F10: variants seen among roughly 807,000 people sequenced by gnomAD.
F10 encodes Stuart-Prower factor.
In F10, 29 loss-of-function variants were observed where a neutral mutation model predicts 37.1. The observed-to-expected ratio is 0.78, with a 90% CI of 0.58 to 1.07. The LOEUF (loss-of-function observed/expected upper bound fraction) is 1.07, where lower values mean the gene tolerates loss of function less well. F10 is among the 50% of genes least tolerant of loss of function. The probability of loss-of-function intolerance (pLI) is 0.00; values close to 1 mark genes in which losing one functional copy is unlikely to be tolerated. For missense variants in F10, 539 were observed against 667.9 expected (o/e 0.81, Z 2.13); for synonymous variants, 262 against 268.6 (o/e 0.98, Z 0.24).
chr13:113,147,548 G>C, intron 7 of F10, 52 bp downstream of exon 7: 1 of 1,100,888 alleles, frequency 9.1e-7, no homozygotes, highest in Non-Finnish European at 1.4e-6. Context: ...GTCACTGTCT[G>C]CTTTTCAGAA....
chr13:113,135,441 C>T (rs1340082787), intron 2 of F10, among the ~76,000 whole-genome samples: 1 of 152,152 alleles, frequency 6.6e-6, no homozygotes, highest in Non-Finnish European at 1.5e-5. Context: ...TGATGAGGGC[C>T]TGGTCTCTGC....
chr13:113,133,906 C>T (rs2036455715), intron 2 of F10, among the ~76,000 whole-genome samples: 1 of 152,098 alleles, frequency 6.6e-6, no homozygotes, highest in African/African-American at 2.4e-5. Context: ...ACCATATAAA[C>T]AAAAGAGAAC....
intron 2 of F10, 143 bp downstream of exon 2, chr13:113,129,755 A>C: frequency 9.2e-7 from 1 of 1,089,356 alleles, no homozygotes; most frequent in Non-Finnish European, 1.4e-6. Flanking sequence ...GGCCCAGCAA[A>C]TCGAGGCCTC....
chr13:113,149,292 C>A lies in F10; in HGVS notation c.1242C>A (p.Ala414=). Residue 414 remains alanine (A), a synonymous_variant, in exon 8 of 8, where the codon GCC becomes GCA. Transcript: ENST00000375559. This position sits in a 1 kb window ranked among gnomAD's most constrained non-coding sequence, Gnocchi z 7.5. ...GCTACGACACCAAGCAGGAGGATGCCTGCCAGGGGGACAGCGGGGGCCCGC... is the reference window on the plus strand; with the variant it reads ...GCTACGACACCAAGCAGGAGGATGCATGCCAGGGGGACAGCGGGGGCCCGC... The part of the protein sequence containing the change: ...CAGYDTKQED[A]CQGDSGGPHV... 1 of 1,613,224 alleles carries A rather than the reference C, an allele frequency of 6.2e-7. No individual in the cohort carries two copies. The highest frequency in any genetic ancestry group is 8.5e-7 in the Non-Finnish European group (1 of 1,180,044).
intron 7 of F10, among the ~76,000 whole-genome samples, chr13:113,148,352 ATATATATATATGTATATATATATGTG>A (rs1566922278): frequency 1.8e-5 from 2 of 110,656 alleles, no homozygotes; most frequent in African/African-American, 6.8e-5. Context: ...AAAAATATAT[ATATATATATATGTATATATATATGTG>A]TATATATATA....
chr13:113,138,477 C>T lies in F10; in HGVS notation c.252C>T (p.Tyr84=). The change falls in exon 3 of 8, where the codon TAC becomes TAT. Residue 84 remains tyrosine (Y), a synonymous_variant. Coordinates refer to ENST00000375559, the MANE Select transcript of F10 (RefSeq NM_000504.4). ...SDKTNEFWNK[Y]KDGDQCETSP... ...TTTAGAATGAATTCTGGAATAAATACAAAGGTCAGTATTTTTTCTGTTTTA... is the reference window on the plus strand; with the variant it reads ...TTTAGAATGAATTCTGGAATAAATATAAAGGTCAGTATTTTTTCTGTTTTA... 7.1e-7 allele frequency: 1 copy of T among 1,398,748 alleles called. No individual in the cohort carries two copies. Among genetic ancestry groups the T allele is most frequent in the South Asian group, 1.2e-5 (1 of 84,306 alleles). 86.6% of individuals were successfully genotyped at this position (1,398,748 alleles called of 1,614,324 possible).
intron 1 of F10, 145 bp downstream of exon 1, chr13:113,123,070 C>G: frequency 1.0e-6 from 1 of 975,806 alleles, no homozygotes. Flanking sequence ...CTGGGCTTGG[C>G]CTTTCCAGCC....
rs953743347 is a variant in F10, at chr13:113,139,599, A to G, written c.370+129A>G. The G allele has an allele frequency of 5.4e-6, 4 of 737,118 alleles. No homozygotes were observed. The highest frequency in any genetic ancestry group is 2.1e-5 in the Admixed American group (1 of 47,880). The allele number at this position is 737,118 out of a possible 1,614,324, so 45.7% of individuals were successfully genotyped here. ...TTCTGATTTACAAAGTCTGGGCTCT[A>G]TTATACCTATTATACTGTGCCACTA... On this transcript the variant is annotated intron_variant, in intron 4 of 7. Coordinates refer to ENST00000375559, the MANE Select transcript of F10 (RefSeq NM_000504.4). The surrounding 1 kb of genome is among the most constrained non-coding windows in gnomAD (Gnocchi z 5.2).
chr13:113,144,067 A>T lies in F10; in HGVS notation c.719A>T (p.Glu240Val), dbSNP rs2036558588. Residue 240 changes from glutamate to valine, a missense_variant, in exon 6 of 8, where the codon GAA (glutamate) becomes GTA (valine). By Grantham distance (121) the Glu-to-Val change is moderately radical. Coordinates refer to ENST00000375559, the MANE Select transcript of F10 (RefSeq NM_000504.4). This position sits in a 1 kb window ranked among gnomAD's most constrained non-coding sequence, Gnocchi z 6.4. ...NNLTRIVGGQ[E>V]CKDGECPWQA... Reference sequence around the variant, plus strand: ...CTCACCAGGATCGTGGGAGGCCAGGAATGCAAGGACGGGGAGTGTCCCTGG... The same window carrying T: ...CTCACCAGGATCGTGGGAGGCCAGGTATGCAAGGACGGGGAGTGTCCCTGG... 6.2e-7 allele frequency: 1 copy of T among 1,613,736 alleles called. No individual in the cohort carries two copies. Among genetic ancestry groups the T allele is most frequent in the Non-Finnish European group, 8.5e-7 (1 of 1,180,004 alleles).
intron 2 of F10, chr13:113,129,866 A>G (rs2036412993): frequency 5.5e-6 from 3 of 546,390 alleles, no homozygotes. Flanking sequence ...CTTGAGGGTC[A>G]CAGGGCTTCT....
intron 6 of F10, among the ~76,000 whole-genome samples, chr13:113,145,576 A>C (rs547910081): frequency 6.6e-6 from 1 of 152,194 alleles, no homozygotes; most frequent in Admixed American, 6.5e-5. Context: ...TAGGTGTATT[A>C]GTCAGTTTTC....
chr13:113,130,331 T>A (rs1317553647), intron 2 of F10: 1 of 153,666 alleles, frequency 6.5e-6, no homozygotes, highest in Non-Finnish European at 1.4e-5. Context: ...GACGCTACCC[T>A]CCTCTCCCCC....
At chr13:113,138,350 T>G in intron 2 of F10, 107 bp from the exon 3 acceptor site, 1 of 611,190 alleles carries the variant, frequency 1.6e-6, no homozygotes, top group Non-Finnish European at 3.0e-6. Flanking sequence ...GTGACTTCCA[T>G]TGGGGAAAAT....
At chr13:113,140,760 C>T in intron 4 of F10, 159 bp from the exon 5 acceptor site, 1 of 1,071,652 alleles carries the variant, frequency 9.3e-7, no homozygotes, top group Non-Finnish European at 1.4e-6. Flanking sequence ...GTGAGGTTGC[C>T]CTTCAAGGCA....
intron 7 of F10, 29 bp downstream of exon 7, chr13:113,147,525 G>T: frequency 7.2e-7 from 1 of 1,383,210 alleles, no homozygotes; most frequent in Non-Finnish European, 1.0e-6. Context: ...CCAGGGCCGT[G>T]GTGAGGGGCA....
rs138339295 is a variant in F10, at chr13:113,141,970, C to A, written c.502+920C>A. ...GTCCCCTCCAGACACAGGTTACTCC[C>A]GAGTGTTCTGTCACTCTTCCTTTCA... On this transcript the variant is annotated intron_variant, in intron 5 of 7. Transcript: ENST00000375559. The surrounding 1 kb of genome is among the most constrained non-coding windows in gnomAD (Gnocchi z 5.4). Among the ~76,000 whole-genome samples, 44 of 152,310 alleles carry A rather than the reference C, an allele frequency of 2.9e-4. No individual in the cohort carries two copies. The highest frequency in any genetic ancestry group is 9.9e-4 in the African/African-American group (41 of 41,562).
chr13:113,125,629 G>A (rs577343862), intron 1 of F10, among the ~76,000 whole-genome samples: 3 of 152,216 alleles, frequency 2.0e-5, no homozygotes, highest in Non-Finnish European at 4.4e-5. Context: ...AGAAAGTGTG[G>A]CCACGTGGCC....
At position 113,144,209 on chromosome 13, in the gene F10, C is replaced by A; in HGVS notation, c.747+114C>A. Reference sequence around the variant, plus strand: ...CAATCCGGGAAGGAACTGTTCCGAACTAGGACAGAGGGGCTCCGCCACCCA... The same window carrying A: ...CAATCCGGGAAGGAACTGTTCCGAAATAGGACAGAGGGGCTCCGCCACCCA... On this transcript the variant is annotated intron_variant, in intron 6 of 7. Coordinates refer to ENST00000375559, the MANE Select transcript of F10 (RefSeq NM_000504.4). The surrounding 1 kb of genome is among the most constrained non-coding windows in gnomAD (Gnocchi z 6.4). 1.3e-6 allele frequency: 2 copies of A among 1,528,408 alleles called. No individual in the cohort carries two copies. The highest frequency in any genetic ancestry group is 8.9e-7 in the Non-Finnish European group (1 of 1,126,106). 94.7% of individuals were successfully genotyped at this position (1,528,408 alleles called of 1,614,324 possible).
At chr13:113,148,728 C>T (rs1232269498) in intron 7 of F10, among the ~76,000 whole-genome samples, 188 bp from the exon 8 acceptor site, 1 of 152,158 alleles carries the variant, frequency 6.6e-6, no homozygotes, top group Non-Finnish European at 1.5e-5. Flanking sequence ...ACCAGTGGTT[C>T]CCTGGGCAGC....
Sources: allele counts gnomAD v4.1 joint callset (sites outside exome capture counted in the v4.1 genomes callset), GRCh38; gene constraint gnomAD v4.1.1; non-coding constraint Gnocchi (gnomAD v3.1); transcripts MANE v1.5; gene names NCBI Gene and HGNC (gene_info 2026-07-23, HGNC 2026-07-21).